KIF21B: variants seen among roughly 807,000 people sequenced by gnomAD.
The protein encoded by KIF21B is kinesin-like protein KIF21B.
KIF21B carries 85 observed loss-of-function variants against 192.9 expected under a neutral mutation model. That is an observed-to-expected ratio of 0.44 (90% CI 0.37 to 0.53). The LOEUF (loss-of-function observed/expected upper bound fraction) is 0.53, where lower values mean the gene tolerates loss of function less well. KIF21B is among the 20% of genes least tolerant of loss of function. KIF21B has a pLI of 0.00. For missense variants in KIF21B, 1,716 were observed against 2,194.8 expected (o/e 0.78, Z 4.36); for synonymous variants, 832 against 884.6 (o/e 0.94, Z 1.05).
At position 200,998,653 on chromosome 1, in the gene KIF21B, G is replaced by T; in HGVS notation, c.1886-78C>A. ...GGAGCAGATGTGCCAGTGCTGGGGA[G>T]CTGGGACCCTCCTTTGGTCAGCCAT... is the stretch of plus-strand genomic sequence containing the variant. On this transcript the variant is annotated intron_variant, in intron 13 of 34. Coordinates refer to ENST00000461742, the MANE Select transcript of KIF21B (RefSeq NM_001252102.2). This position sits in a 1 kb window ranked among gnomAD's most constrained non-coding sequence, Gnocchi z 4.3. 2 of 1,332,762 alleles carry T rather than the reference G, an allele frequency of 1.5e-6. No individual in the cohort carries two copies. The highest frequency in any genetic ancestry group is 2.1e-6 in the Non-Finnish European group (2 of 949,908). 82.6% of individuals were successfully genotyped at this position (1,332,762 alleles called of 1,614,324 possible). A position where few individuals can be genotyped will look rare whatever the true frequency, so the allele number is the denominator to read the frequency against.
chr1:201,000,375 C>T lies in KIF21B; in HGVS notation c.1685+15G>A, dbSNP rs1481042649. 6 of 1,539,748 alleles carry T rather than the reference C, an allele frequency of 3.9e-6. No homozygotes were observed. The highest frequency in any genetic ancestry group is 2.2e-5 in the East Asian group (1 of 44,470). ...GTCTGAGGGCTCTCAGGGGCGGGGACGACACTCCACTCACCTCTTCCTCCG... is the reference window on the plus strand; with the variant it reads ...GTCTGAGGGCTCTCAGGGGCGGGGATGACACTCCACTCACCTCTTCCTCCG... On this transcript the variant is annotated intron_variant, in intron 11 of 34. Coordinates refer to ENST00000461742, the MANE Select transcript of KIF21B (RefSeq NM_001252102.2). This position sits in a 1 kb window ranked among gnomAD's most constrained non-coding sequence, Gnocchi z 6.0.
At chr1:201,002,429 C>T (rs1657555972) in intron 8 of KIF21B, 79 bp from the exon 9 acceptor site, 1 of 1,322,894 alleles carries the variant, frequency 7.6e-7, no homozygotes, top group Non-Finnish European at 1.1e-6. Context: ...ATGCCCCTCC[C>T]TCTGCCAGCG....
rs372391603 is a variant in KIF21B, at chr1:201,000,771, T to C, written c.1412A>G (p.Asn471Ser). The C allele has an allele frequency of 1.1e-5, 18 of 1,614,066 alleles. No individual in the cohort carries two copies. Among genetic ancestry groups the C allele is most frequent in the Middle Eastern group, 1.6e-4 (1 of 6,084 alleles). ...NLLLAKAGDG[N>S]EAIGALIQNY... ...CTGGATCAGCGCACCAATGGCCTCA[T>C]TGCCATCGCCTGGAGTGGGACGGCG... Residue 471 changes from asparagine (N) to serine (S), a missense_variant, in exon 10 of 35, where the codon AAT becomes AGT. By Grantham distance (46) the Asn-to-Ser change is conservative. Transcript: ENST00000461742. The surrounding 1 kb of genome is among the most constrained non-coding windows in gnomAD (Gnocchi z 6.0).
At chr1:201,006,589 T>G (rs1461531324) in intron 3 of KIF21B, among the ~76,000 whole-genome samples, 1 of 152,152 alleles carries the variant, frequency 6.6e-6, no homozygotes, top group East Asian at 1.9e-4. Flanking sequence ...GGGCCTACAA[T>G]ATCTGTCTGT....
rs189318757 is a variant in KIF21B, at chr1:200,985,121, T to C, written c.3690-149A>G. ...CTCAGAGCTCAACACCCAATGAAAC[T>C]CCTGGATGCTGTCTTTAAACATCAA... On this transcript the variant is annotated intron_variant, in intron 26 of 34. Transcript: ENST00000461742. 70 of 513,158 alleles carry C rather than the reference T, an allele frequency of 1.4e-4. No individual in the cohort carries two copies. The East Asian group carries it at 2.4e-3, about 18-fold the overall frequency. The allele number at this position is 513,158 out of a possible 1,614,324, so 31.8% of individuals were successfully genotyped here. A position where few individuals can be genotyped will look rare whatever the true frequency, so the allele number is the denominator to read the frequency against.
chr1:201,009,333 G>T lies in KIF21B; in HGVS notation c.197C>A (p.Thr66Asn). Reference sequence around the variant, plus strand: ...GCCCTCGATGAGCTTGCTCACACAGGTGGAATAGATCTGTTCTTGCCAGGT... The same window carrying T: ...GCCCTCGATGAGCTTGCTCACACAGTTGGAATAGATCTGTTCTTGCCAGGT... ...LDTWQEQIYS[T>N]CVSKLIEGCF... Residue 66 changes from threonine (T) to asparagine (N), a missense_variant, in exon 2 of 35, where the codon ACC becomes AAC. Thr to Asn is a moderately conservative substitution (Grantham distance 65). Around this residue, in one of 3 missense-constraint regions of KIF21B, gnomAD observed 1,087 missense variants for 1,316.6 expected, o/e 0.83. Coordinates refer to ENST00000461742, the MANE Select transcript of KIF21B (RefSeq NM_001252102.2). The T allele has an allele frequency of 6.2e-7, 1 of 1,614,282 alleles. No individual in the cohort carries two copies. Among genetic ancestry groups the T allele is most frequent in the South Asian group, 1.1e-5 (1 of 91,092 alleles).
rs1349576504 is a variant in KIF21B, at chr1:200,969,784, G to A, written c.*3737C>T. 1 of 152,444 alleles carries A rather than the reference G, an allele frequency of 6.6e-6. No homozygotes were observed. Among genetic ancestry groups the A allele is most frequent in the African/African-American group, 2.4e-5 (1 of 41,444 alleles). 9.4% of individuals were successfully genotyped at this position (152,444 alleles called of 1,614,324 possible). A position where few individuals can be genotyped will look rare whatever the true frequency, so the allele number is the denominator to read the frequency against. Reference sequence around the variant, plus strand: ...CATGAGTGCTGGGGATGGGGCAGGGGACAGAACAAAGGTATCAAAGAAGAA... The same window carrying A: ...CATGAGTGCTGGGGATGGGGCAGGGAACAGAACAAAGGTATCAAAGAAGAA... On this transcript the variant is annotated 3_prime_UTR_variant, in exon 35 of 35. Transcript: ENST00000461742.
In KIF21B at chr1:201,000,396, C is replaced by T. The variant is rs774832342; in HGVS notation, c.1679G>A (p.Arg560Lys). ...RLKKKEVRQR[R>K]KSPEKEAFKK... ...GGGACGACACTCCACTCACCTCTTC[C>T]TCCGCTGCCTGACCTCCTTCTTCTT... is the stretch of plus-strand genomic sequence containing the variant. The change falls in exon 11 of 35, where the codon AGG becomes AAG. Residue 560 changes from arginine (R) to lysine (K), a missense_variant. Around this residue, in one of 3 missense-constraint regions of KIF21B, gnomAD observed 1,087 missense variants for 1,316.6 expected, o/e 0.83. Transcript: ENST00000461742. This position sits in a 1 kb window ranked among gnomAD's most constrained non-coding sequence, Gnocchi z 6.0. 6.4e-7 allele frequency: 1 copy of T among 1,553,552 alleles called. No homozygotes were observed. The highest frequency in any genetic ancestry group is 8.6e-7 in the Non-Finnish European group (1 of 1,157,570).
chr1:201,009,090 T>A, intron 2 of KIF21B, 139 bp from the exon 3 acceptor site: 1 of 1,197,762 alleles, frequency 8.3e-7, no homozygotes. Context: ...GAAGCCACAC[T>A]CTGGGGAAAT....
rs148147346 is a variant in KIF21B at position 200,993,005 on chromosome 1, G to A, written c.2278-616C>T. ...AACTAGTAATGGATGGCCATATTCC[G>A]AAAACAAATCATCGCCTCCCAGTCA... On this transcript the variant is annotated intron_variant, in intron 15 of 34. Coordinates refer to ENST00000461742, the MANE Select transcript of KIF21B (RefSeq NM_001252102.2). 4.0e-3 allele frequency among the ~76,000 whole-genome samples: 603 copies of A among 152,310 alleles called. 6 individuals carry two copies. Among genetic ancestry groups the A allele is most frequent in the African/African-American group, 0.013 (524 of 41,562 alleles).
intron 1 of KIF21B, among the ~76,000 whole-genome samples, chr1:201,012,863 C>T (rs1417844862): frequency 5.3e-5 from 8 of 152,100 alleles, no homozygotes; most frequent in African/African-American, 1.9e-4. Flanking sequence ...AGGCCTGTCT[C>T]GAACTCCTGA....
rs760354669 is a variant in KIF21B, at chr1:200,975,643, C to T, written c.4470G>A (p.Thr1490=). 13 of 1,612,920 alleles carry T rather than the reference C, an allele frequency of 8.1e-6. No individual in the cohort carries two copies. Among genetic ancestry groups the T allele is most frequent in the South Asian group, 5.5e-5 (5 of 90,980 alleles). The change falls in exon 33 of 35, where the codon ACG becomes ACA. Residue 1490 remains threonine, a synonymous_variant. Coordinates refer to ENST00000461742, the MANE Select transcript of KIF21B (RefSeq NM_001252102.2). This position sits in a 1 kb window ranked among gnomAD's most constrained non-coding sequence, Gnocchi z 4.3. ...VKMFELGECV[T]GTIGPTHNFE... ...AGTTGTGAGTGGGGCCGATGGTGCCCGTCACACACTCGCCCAGCTCGAACA... is the reference window on the plus strand; with the variant it reads ...AGTTGTGAGTGGGGCCGATGGTGCCTGTCACACACTCGCCCAGCTCGAACA...
At position 200,970,429 on chromosome 1, in the gene KIF21B, C is replaced by G. The variant is rs1655156957; in HGVS notation, c.*3092G>C. 6.6e-6 allele frequency: 1 copy of G among 152,624 alleles called. No individual in the cohort carries two copies. The highest frequency in any genetic ancestry group is 2.4e-5 in the African/African-American group (1 of 41,474). The allele number at this position is 152,624 out of a possible 1,614,324, so 9.5% of individuals were successfully genotyped here. On this transcript the variant is annotated 3_prime_UTR_variant, in exon 35 of 35. Coordinates refer to ENST00000461742, the MANE Select transcript of KIF21B (RefSeq NM_001252102.2). Reference sequence around the variant, plus strand: ...AAGGGGCTGAAGGTGGCACTCTGACCACCTCAAAGGCTTGGGTGTGCCAGG... The same window carrying G: ...AAGGGGCTGAAGGTGGCACTCTGACGACCTCAAAGGCTTGGGTGTGCCAGG...
rs1433811639 is a variant in KIF21B at position 200,976,704 on chromosome 1, C to A, written c.4443+72G>T. The stretch of plus-strand genomic sequence containing the variant: ...GTCTTATAATTTTTCATGGGTACTC[C>A]CAGGGCAACAGAGGGCAAAGATTGG... On this transcript the variant is annotated intron_variant, in intron 32 of 34. Coordinates refer to ENST00000461742, the MANE Select transcript of KIF21B (RefSeq NM_001252102.2). The A allele has an allele frequency of 4.2e-6, 4 of 962,942 alleles. No homozygotes were observed. The African/African-American group carries it at 6.5e-5, about 16-fold the overall frequency. 59.6% of individuals were successfully genotyped at this position (962,942 alleles called of 1,614,324 possible).
Position 201,002,165 on chromosome 1 carries a change from C to T in KIF21B, c.1398G>A (p.Lys466=). 1 of 1,613,924 alleles carries T rather than the reference C, an allele frequency of 6.2e-7. No homozygotes were observed. Among genetic ancestry groups the T allele is most frequent in the East Asian group, 2.2e-5 (1 of 44,884 alleles). ...GCCTGGCACAGCCCAACTCACCGGC[C>T]TTGGCTAGCAGCAGGTTGGCCTCCT... ...MSQEANLLLA[K]AGDGNEAIGA... is the part of the protein sequence containing the mutation. Residue 466 remains lysine (K), a synonymous_variant, in exon 9 of 35, where the codon AAG becomes AAA. Transcript: ENST00000461742.
At chr1:200,977,665 G>A (rs1018469336) in intron 30 of KIF21B, among the ~76,000 whole-genome samples, 3 of 149,516 alleles carry the variant, frequency 2.0e-5, no homozygotes, top group Non-Finnish European at 4.4e-5. Context: ...TGGATCTTCC[G>A]GAAATCAACC....
chr1:201,023,552 A>C lies in KIF21B; in HGVS notation c.-169T>G, dbSNP rs2102494635. On this transcript the variant is annotated 5_prime_UTR_variant, in exon 1 of 35. The change abolishes the stop of an existing upstream ORF in the 5' untranslated region. Transcript: ENST00000461742. This position sits in a 1 kb window ranked among gnomAD's most constrained non-coding sequence, Gnocchi z 5.9. ...TCGCGGGCGGCAGGCCGAGGGGCTC[A>C]CCCGCGGCCGGCCCCCCGGGGCTGG... is the stretch of plus-strand genomic sequence containing the variant. 5.2e-6 allele frequency: 1 copy of C among 192,488 alleles called. No homozygotes were observed. The allele number at this position is 192,488 out of a possible 1,614,324, so 11.9% of individuals were successfully genotyped here.
chr1:201,005,459 A>T lies in KIF21B; in HGVS notation c.598-17T>A. On this transcript the variant is annotated splice_polypyrimidine_tract_variant and intron_variant, in intron 4 of 34. Coordinates refer to ENST00000461742, the MANE Select transcript of KIF21B (RefSeq NM_001252102.2). Reference sequence around the variant, plus strand: ...CTGGATCAGCTGGAAACAGAAGCAGAAGTGAGGGCTTGGGACTACCGTGGT... The same window carrying T: ...CTGGATCAGCTGGAAACAGAAGCAGTAGTGAGGGCTTGGGACTACCGTGGT... 1 of 1,601,228 alleles carries T rather than the reference A, an allele frequency of 6.2e-7. No individual in the cohort carries two copies.
chr1:201,018,285 T>C (rs1571975766), intron 1 of KIF21B, among the ~76,000 whole-genome samples: 1 of 152,164 alleles, frequency 6.6e-6, no homozygotes, highest in East Asian at 1.9e-4. Context: ...GGAAGACACA[T>C]GCCAGGGATG....
Sources: allele counts gnomAD v4.1 joint callset (sites outside exome capture counted in the v4.1 genomes callset), GRCh38; gene constraint gnomAD v4.1.1; regional missense constraint gnomAD v4.1.1; non-coding constraint Gnocchi (gnomAD v3.1); transcripts MANE v1.5; gene names NCBI Gene and HGNC (gene_info 2026-07-23, HGNC 2026-07-21).